SRGAP3: variants seen among roughly 807,000 people sequenced by gnomAD.
SRGAP3 encodes SLIT-ROBO Rho GTPase activating protein 3.
In SRGAP3, 39 loss-of-function variants were observed where a neutral mutation model predicts 121.1. That is an observed-to-expected ratio of 0.32 (90% CI 0.25 to 0.42). The LOEUF (loss-of-function observed/expected upper bound fraction) is 0.42. Among genes scored for constraint, SRGAP3 ranks in the 10% least tolerant of loss-of-function variants. SRGAP3 has a pLI of 1.00. For missense variants in SRGAP3, 1,213 were observed against 1,470.6 expected (o/e 0.82, Z 2.86); for synonymous variants, 601 against 570.0 (o/e 1.05, Z -0.77).
chr3:9,189,071 T>A (rs1385161676), intron 1 of SRGAP3, among the ~76,000 whole-genome samples: 2 of 152,178 alleles, frequency 1.3e-5, no homozygotes, highest in Non-Finnish European at 2.9e-5. Flanking sequence ...AAAACACTTG[T>A]CTAGATTTCT....
intron 1 of SRGAP3, among the ~76,000 whole-genome samples, chr3:9,190,223 A>G (rs1299063614): frequency 6.6e-6 from 1 of 152,204 alleles, no homozygotes; most frequent in Non-Finnish European, 1.5e-5. Context: ...CATTGGAAAA[A>G]TACCCCATGA....
At chr3:9,147,251 C>T (rs1340228934) in intron 1 of SRGAP3, among the ~76,000 whole-genome samples, 1 of 152,152 alleles carries the variant, frequency 6.6e-6, no homozygotes, top group East Asian at 1.9e-4. Flanking sequence ...AGGCCCCCAC[C>T]TTGATTTCTT....
intron 5 of SRGAP3, among the ~76,000 whole-genome samples, chr3:9,061,798 G>A (rs1276842750): frequency 6.6e-6 from 1 of 152,170 alleles, no homozygotes; most frequent in Non-Finnish European, 1.5e-5. Flanking sequence ...CATCTCAGCA[G>A]GGACCCAATT....
At chr3:9,281,056 A>T (rs886876023) in intron 3 of SRGAP3, among the ~76,000 whole-genome samples, 1 of 152,212 alleles carries the variant, frequency 6.6e-6, no homozygotes, top group African/African-American at 2.4e-5. Flanking sequence ...CAAAATAAAT[A>T]AATTACTGGA....
At chr3:9,183,953 C>T (rs556534860) in intron 1 of SRGAP3, among the ~76,000 whole-genome samples, 67 of 152,226 alleles carry the variant, frequency 4.4e-4, no homozygotes, top group African/African-American at 1.5e-3. Context: ...CAGCCCTTCC[C>T]GGTTCTCAGC....
chr3:9,237,045 T>C (rs1209325804), intron 1 of SRGAP3, among the ~76,000 whole-genome samples: 1 of 152,212 alleles, frequency 6.6e-6, no homozygotes, highest in Non-Finnish European at 1.5e-5. Context: ...TGGCTCTGCA[T>C]GGATACAATT....
Position 9,104,762 on chromosome 3 carries a change from G to C in SRGAP3, c.341C>G (p.Ala114Gly). 1 of 1,614,242 alleles carries C rather than the reference G, an allele frequency of 6.2e-7. No individual in the cohort carries two copies. Among genetic ancestry groups the C allele is most frequent in the Admixed American group, 1.7e-5 (1 of 60,034 alleles). Residue 114 changes from alanine to glycine, a missense_variant, in exon 3 of 22, where the codon GCC becomes GGC. Physicochemically the swap from Ala to Gly is moderately conservative, Grantham distance 60. Around this residue, in one of 2 missense-constraint regions of SRGAP3, gnomAD observed 793 missense variants for 1,032.9 expected, o/e 0.77. Transcript: ENST00000383836. ...HQTRRESRDH[A>G]TLNDIFMNNV... Reference sequence around the variant, plus strand: ...GTTCATGAAGATGTCATTGAGGGTGGCATGGTCTCGGCTCTCCCGCCGGGT... The same window carrying C: ...GTTCATGAAGATGTCATTGAGGGTGCCATGGTCTCGGCTCTCCCGCCGGGT...
At chr3:9,273,283 T>G (rs1039097850) in intron 3 of SRGAP3, among the ~76,000 whole-genome samples, 2 of 152,274 alleles carry the variant, frequency 1.3e-5, no homozygotes, top group East Asian at 1.9e-4. Flanking sequence ...TGCGGCCCAG[T>G]TCCTAACAGG....
intron 1 of SRGAP3, among the ~76,000 whole-genome samples, chr3:9,181,457 C>T (rs974226928): frequency 2.2e-4 from 34 of 152,298 alleles, no homozygotes; most frequent in Admixed American, 2.2e-3. Context: ...TGCTTAGAGT[C>T]TTATCAGGCT....
At chr3:9,256,289 GC>G (rs1320092869) in intron 3 of SRGAP3, among the ~76,000 whole-genome samples, 1 of 152,210 alleles carries the variant, frequency 6.6e-6, no homozygotes, top group African/African-American at 2.4e-5. Flanking sequence ...TCACAGCTGA[GC>G]CCCAGATCCT....
chr3:9,297,196 A>G (rs1199056345), intron 3 of SRGAP3, among the ~76,000 whole-genome samples: 1 of 152,186 alleles, frequency 6.6e-6, no homozygotes, highest in East Asian at 1.9e-4. Context: ...GACACAGAAC[A>G]CATAACTGGA....
chr3:9,268,752 T>C (rs760882940), intron 3 of SRGAP3, among the ~76,000 whole-genome samples: 9 of 152,166 alleles, frequency 5.9e-5, no homozygotes, highest in Admixed American at 1.3e-4. Flanking sequence ...CAATAACTGA[T>C]ACATCACACG....
chr3:9,072,796 C>A (rs1041885824), intron 4 of SRGAP3, among the ~76,000 whole-genome samples: 1 of 152,260 alleles, frequency 6.6e-6, no homozygotes, highest in African/African-American at 2.4e-5. Context: ...CACTGCCAAA[C>A]TGGACACTAG....
intron 8 of SRGAP3, among the ~76,000 whole-genome samples, chr3:9,054,166 C>A (rs1945711502): frequency 6.6e-6 from 1 of 152,206 alleles, no homozygotes; most frequent in Non-Finnish European, 1.5e-5. Flanking sequence ...TGGACCTCTC[C>A]TCTCAGTCAG....
At chr3:9,352,455 G>C (rs908606370) in intron 1 of SRGAP3, among the ~76,000 whole-genome samples, 9 of 151,988 alleles carry the variant, frequency 5.9e-5, no homozygotes, top group African/African-American at 2.2e-4. Context: ...TGTATTATTA[G>C]TAGAGATAGG....
At chr3:9,359,135 G>A (rs573578113) in intron 1 of SRGAP3, among the ~76,000 whole-genome samples, 2 of 152,242 alleles carry the variant, frequency 1.3e-5, no homozygotes, top group African/African-American at 4.8e-5. Flanking sequence ...ATGATTGGAT[G>A]GGGAACAGAA....
At chr3:9,000,340 G>A (rs1051346124) in intron 18 of SRGAP3, among the ~76,000 whole-genome samples, 4 of 152,212 alleles carry the variant, frequency 2.6e-5, no homozygotes, top group African/African-American at 9.6e-5. Context: ...GGTGGTGGTT[G>A]CATGGCAGGA....
intron 3 of SRGAP3, among the ~76,000 whole-genome samples, chr3:9,290,601 G>A (rs1954854498): frequency 6.6e-6 from 1 of 152,160 alleles, no homozygotes; most frequent in African/African-American, 2.4e-5. Flanking sequence ...TTCTCAAAGT[G>A]TGGTCCAAGC....
At chr3:9,089,239 A>G (rs1947633790) in intron 3 of SRGAP3, among the ~76,000 whole-genome samples, 1 of 134,740 alleles carries the variant, frequency 7.4e-6, no homozygotes, top group African/African-American at 2.8e-5. Flanking sequence ...TCTAATTTAA[A>G]TATTTACAGG....
Sources: gnomAD v4.1 joint callset for allele counts (sites outside exome capture counted in the v4.1 genomes callset) on GRCh38, gnomAD v4.1.1 for gene constraint, gnomAD v4.1.1 regional missense constraint, MANE v1.5 for transcripts, NCBI Gene and HGNC (gene_info 2026-07-23, HGNC 2026-07-21) for gene names.